GLS2: variants seen among roughly 807,000 people sequenced by gnomAD.
The protein encoded by GLS2 is glutaminase 2.
GLS2 carries 52 observed loss-of-function variants against 79.0 expected under a neutral mutation model. That is an observed-to-expected ratio of 0.66 (90% CI 0.53 to 0.83). The LOEUF (loss-of-function observed/expected upper bound fraction) is 0.83. Ranked by LOEUF, GLS2 falls within the 40% of genes least tolerant of loss-of-function variation. The pLI is 0.00. For missense variants in GLS2, 561 were observed against 764.8 expected, an observed-to-expected ratio of 0.73 and a Z score of 3.14; for synonymous variants, 238 against 280.8, an observed-to-expected ratio of 0.85 and a Z score of 1.52.
At chr12:56,476,028 A>G (rs1869780111) in intron 7 of GLS2, 51 bp from the exon 8 acceptor site, 10 of 1,577,460 alleles carry the variant, frequency 6.3e-6, no homozygotes, top group Non-Finnish European at 7.8e-6. Context: ...AGGATGACAG[A>G]GGGAAGGGTC....
intron 7 of GLS2, chr12:56,476,403 A>T (rs1057053652): frequency 1.4e-5 from 3 of 216,508 alleles, no homozygotes; most frequent in African/African-American, 7.0e-5. Context: ...CCTGTCTCCT[A>T]GCCCCACCCT....
Position 56,479,776 on chromosome 12 carries a change from T to G in GLS2, c.404+4A>C. The G allele has an allele frequency of 6.3e-7, 1 of 1,594,274 alleles. No homozygotes were observed. Among genetic ancestry groups the G allele is most frequent in the Non-Finnish European group, 8.6e-7 (1 of 1,167,052 alleles). On this transcript the variant is annotated splice_donor_region_variant and intron_variant, in intron 3 of 17. Coordinates refer to ENST00000311966, the MANE Select transcript of GLS2 (RefSeq NM_013267.4). ...AGCAGTGCCCTTGTTTCTGGGGCCC[T>G]CACTTTCGGAAGAGATCTCGGTCCA...
rs1336846524 is a variant in GLS2, at chr12:56,472,195, CCT to C, written c.1512-2_1512-1del. 3.1e-6 allele frequency: 5 copies of C among 1,613,990 alleles called. No individual in the cohort carries two copies. The African/African-American group carries it at 4.0e-5, about 13-fold the overall frequency. ...CCATATCCATGGCTGACAAGGCAAA[CCT>C]GAGGGTAGTGGGAAAGCAGCTAGAG... is the stretch of plus-strand genomic sequence containing the variant. On this transcript the variant is annotated splice_acceptor_variant, in intron 15 of 17. Transcript: ENST00000311966. LOFTEE classifies it high-confidence loss of function.
intron 1 of GLS2, among the ~76,000 whole-genome samples, chr12:56,485,565 C>G (rs115305785): frequency 0.024 from 3,679 of 151,944 alleles, 154 homozygotes; most frequent in African/African-American, 0.084. Flanking sequence ...GCACCTGGCT[C>G]TAAATTTATA....
chr12:56,471,703 T>A lies in GLS2; in HGVS notation c.1653-60A>T, dbSNP rs551470652. ...ACGTGGAGAGTGGTGGTTGTATATA[T>A]TTGCATGGTGGCTGGAGGGTAGGTG... On this transcript the variant is annotated intron_variant, in intron 17 of 17. Coordinates refer to ENST00000311966, the MANE Select transcript of GLS2 (RefSeq NM_013267.4). The A allele has an allele frequency of 2.5e-6, 4 of 1,612,260 alleles. No individual in the cohort carries two copies. The African/African-American group carries it at 4.0e-5, about 16-fold the overall frequency.
chr12:56,475,931 G>T lies in GLS2; in HGVS notation c.870+14C>A, dbSNP rs763762773. ...GCGAAATGCAGCCAGGGGCTAAGTA[G>T]CAAGGGAACTTACAAAATCAAACTT... is the stretch of plus-strand genomic sequence containing the variant. On this transcript the variant is annotated intron_variant, in intron 8 of 17. Coordinates refer to ENST00000311966, the MANE Select transcript of GLS2 (RefSeq NM_013267.4). 1.9e-6 allele frequency: 3 copies of T among 1,613,648 alleles called. No individual in the cohort carries two copies. The African/African-American group carries it at 4.0e-5, about 22-fold the overall frequency.
In GLS2 at chr12:56,473,266, G is replaced by A. The variant is rs752271151; in HGVS notation, c.1411C>T (p.Arg471Trp). 1.1e-5 allele frequency: 17 copies of A among 1,614,056 alleles called. No homozygotes were observed. Among genetic ancestry groups the A allele is most frequent in the East Asian group, 2.2e-5 (1 of 44,876 alleles). ...CCTTCACGCCGTGGGTCTAACTTCC[G>A]AGCACAGTGCCTCAGGTTGTCATAG... is the stretch of plus-strand genomic sequence containing the variant. ...HNYDNLRHCARKLDPRREGAE... is the reference protein window; with the variant it reads ...HNYDNLRHCAWKLDPRREGAE... The change falls in exon 14 of 18, where the codon CGG becomes TGG. Residue 471 changes from arginine to tryptophan, a missense_variant. Physicochemically the swap from Arg to Trp is moderately radical, Grantham distance 101. Coordinates refer to ENST00000311966, the MANE Select transcript of GLS2 (RefSeq NM_013267.4).
intron 14 of GLS2, 47 bp downstream of exon 14, chr12:56,473,181 A>G (rs765288255): frequency 7.6e-6 from 12 of 1,568,772 alleles, no homozygotes; most frequent in East Asian, 4.5e-5. Context: ...GAGCCACCGC[A>G]CCTGGCCTTT....
At chr12:56,478,296 A>ATG (rs1482259412) in intron 4 of GLS2, 34 bp from the exon 5 acceptor site, 1 of 1,600,552 alleles carries the variant, frequency 6.2e-7, no homozygotes, top group East Asian at 2.2e-5. Context: ...AGGGAGATGG[A>ATG]TGTGGAGAAG....
chr12:56,477,888 G>A, intron 6 of GLS2, 45 bp downstream of exon 6: 1 of 1,589,518 alleles, frequency 6.3e-7, no homozygotes, highest in Non-Finnish European at 8.6e-7. Flanking sequence ...GGGATAAGGA[G>A]AAGGGGACAG....
chr12:56,474,796 G>A (rs758485801), intron 11 of GLS2, 50 bp downstream of exon 11: 7 of 1,613,104 alleles, frequency 4.3e-6, no homozygotes, highest in African/African-American at 1.3e-5. Flanking sequence ...AAAGGGCAAG[G>A]GCAAGGACAG....
At chr12:56,475,312 A>C in intron 9 of GLS2, 4 of 1,342,826 alleles carry the variant, frequency 3.0e-6, no homozygotes, top group Non-Finnish European at 4.0e-6. Context: ...GTAAACCCAA[A>C]CCAAACACCC....
chr12:56,480,951 G>T lies in GLS2; in HGVS notation c.183-564C>A, dbSNP rs1040309015. 2.6e-5 allele frequency among the ~76,000 whole-genome samples: 4 copies of T among 152,272 alleles called. No individual in the cohort carries two copies. In the South Asian group the frequency reaches 8.3e-4, roughly 32 times the overall value. ...CAGGTCGCTTAATATTGCTGAACTT[G>T]CTTCCTATCTGTAATACAAGGGTAG... On this transcript the variant is annotated intron_variant, in intron 1 of 17. Coordinates refer to ENST00000311966, the MANE Select transcript of GLS2 (RefSeq NM_013267.4).
intron 15 of GLS2, 181 bp from the exon 16 acceptor site, chr12:56,472,376 G>A (rs1869363255): frequency 1.6e-6 from 1 of 620,312 alleles, no homozygotes; most frequent in Admixed American, 2.9e-5. Context: ...TCATATTAGA[G>A]AGATGGGAAT....
chr12:56,479,571 G>A (rs1203175359), intron 3 of GLS2: 1 of 539,982 alleles, frequency 1.9e-6, no homozygotes, highest in East Asian at 3.5e-5. Flanking sequence ...GGGAAAAGAG[G>A]ACAGGGATTG....
At chr12:56,479,736 G>A in intron 3 of GLS2, 44 bp downstream of exon 3, 1 of 1,561,500 alleles carries the variant, frequency 6.4e-7, no homozygotes, top group Non-Finnish European at 8.7e-7. Flanking sequence ...TATGTCCACA[G>A]GACAGTTTTC....
intron 7 of GLS2, 59 bp downstream of exon 7, chr12:56,477,601 A>G (rs1869932425): frequency 6.6e-7 from 1 of 1,523,420 alleles, no homozygotes. Context: ...AATATGAGGG[A>G]TACAGGAACA....
At chr12:56,472,416 C>T in intron 15 of GLS2, 1 of 607,492 alleles carries the variant, frequency 1.6e-6, no homozygotes, top group South Asian at 2.0e-5. Context: ...CACTCACTGC[C>T]TACCTGTGGT....
In GLS2 at chr12:56,487,931, C is replaced by T. The variant is rs770979922; in HGVS notation, c.182+6G>A. On this transcript the variant is annotated splice_donor_region_variant and intron_variant, in intron 1 of 17. Transcript: ENST00000311966. ...CCCGTCCCCTGCCCTGTCCCAGGAG[C>T]CTTACTGATCCTGGTGCTGCGGCTG... 1.9e-6 allele frequency: 3 copies of T among 1,601,826 alleles called. No individual in the cohort carries two copies. The Admixed American group carries it at 5.0e-5, about 27-fold the overall frequency.
Sources: allele counts gnomAD v4.1 joint callset (sites outside exome capture counted in the v4.1 genomes callset), GRCh38; gene constraint gnomAD v4.1.1; transcripts MANE v1.5; gene names NCBI Gene and HGNC (gene_info 2026-07-23, HGNC 2026-07-21).